Variants in LCOR observed in about 807,000 individuals in gnomAD.
LCOR encodes the protein ligand-dependent corepressor.
In LCOR, 14 loss-of-function variants were observed where a neutral mutation model predicts 64.4. That is an observed-to-expected ratio of 0.22 (90% confidence interval 0.14 to 0.34). LCOR has a LOEUF of 0.34. LCOR is among the 10% of genes least tolerant of loss of function. LCOR has a pLI of 1.00. For missense variants in LCOR, 1,686 were observed against 1,765.3 expected, an observed-to-expected ratio of 0.96 and a Z score of 0.80; for synonymous variants, 643 against 642.5, an observed-to-expected ratio of 1.00 and a Z score of -0.01.
At chr10:96,933,004 TAAA>T (rs947048578) in intron 4 of LCOR, among the ~76,000 whole-genome samples, 1 of 152,186 alleles carries the variant, frequency 6.6e-6, no homozygotes, top group Non-Finnish European at 1.5e-5. Flanking sequence ...AGTAACAAAA[TAAA>T]AAACTGGTCT....
chr10:96,863,778 T>C (rs116238194), intron 2 of LCOR, among the ~76,000 whole-genome samples: 7,806 of 152,290 alleles, frequency 0.051, 682 homozygotes, highest in African/African-American at 0.18. Flanking sequence ...ATACTTTTTC[T>C]CTAGTAAGTT....
At chr10:96,954,953 G>A (rs1354009946) in intron 7 of LCOR, 1 of 1,612,356 alleles carries the variant, frequency 6.2e-7, no homozygotes, top group East Asian at 2.2e-5. Flanking sequence ...ATCCAATTAG[G>A]CGACCTGGGA....
chr10:96,928,042 T>C (rs1847197991), intron 4 of LCOR, among the ~76,000 whole-genome samples: 1 of 152,210 alleles, frequency 6.6e-6, no homozygotes, highest in Admixed American at 6.5e-5. Context: ...ATCTTTTTGC[T>C]GGTGAAAGGT....
At position 96,949,090 on chromosome 10, in the gene LCOR, A is replaced by G. The variant is rs770837388; in HGVS notation, c.33A>G (p.Glu11=). 1 of 1,614,050 alleles carries G rather than the reference A, an allele frequency of 6.2e-7. No individual in the cohort carries two copies. Residue 11 remains glutamate, a synonymous_variant, in exon 6 of 8, where the codon GAA becomes GAG. Coordinates refer to ENST00000421806, the MANE Select transcript of LCOR (RefSeq NM_001346516.2). ...GAATGATCCAACAATTTGCTGCTGA[A>G]TATACCTCAAAAAATAGCTCTACTC... MQRMIQQFAA[E]YTSKNSSTQD...
At chr10:96,933,467 C>T (rs1314951987) in intron 4 of LCOR, among the ~76,000 whole-genome samples, 1 of 152,084 alleles carries the variant, frequency 6.6e-6, no homozygotes, top group Non-Finnish European at 1.5e-5. Flanking sequence ...ACACAAGTCC[C>T]TGGTTAAGTT....
chr10:96,920,662 G>T (rs1268079493), intron 4 of LCOR, among the ~76,000 whole-genome samples: 3 of 128,502 alleles, frequency 2.3e-5, no homozygotes, highest in African/African-American at 1.1e-4. Flanking sequence ...GTGTATATAT[G>T]TATATATGTA....
intron 4 of LCOR, among the ~76,000 whole-genome samples, chr10:96,920,433 T>TATATATATATTC (rs1564625968): frequency 3.3e-4 from 1 of 3,024 alleles, no homozygotes; most frequent in African/African-American, 5.6e-4. Context: ...CATATATATG[T>TATATATATATTC]GTATATATGT....
At chr10:96,931,650 A>G (rs1260837044) in intron 4 of LCOR, among the ~76,000 whole-genome samples, 1 of 152,198 alleles carries the variant, frequency 6.6e-6, no homozygotes, top group East Asian at 1.9e-4. Context: ...TAGTGAGTCT[A>G]CCAGAGAACA....
intron 4 of LCOR, among the ~76,000 whole-genome samples, chr10:96,914,495 C>A (rs545747111): frequency 4.7e-4 from 71 of 152,238 alleles, no homozygotes; most frequent in Non-Finnish European, 9.7e-4. Flanking sequence ...CCGCGCCTGG[C>A]CTTTATTGCT....
chr10:96,863,522 A>AT (rs1466538716), intron 2 of LCOR, among the ~76,000 whole-genome samples: 1 of 151,910 alleles, frequency 6.6e-6, no homozygotes, highest in Non-Finnish European at 1.5e-5. Flanking sequence ...GAATTTTCTG[A>AT]TTTTTTCACA....
At chr10:96,933,843 CAAAT>C (rs1330534701) in intron 4 of LCOR, among the ~76,000 whole-genome samples, 1 of 152,104 alleles carries the variant, frequency 6.6e-6, no homozygotes, top group Non-Finnish European at 1.5e-5. Flanking sequence ...GATTAAAACA[CAAAT>C]AAAAAGATAC....
intron 2 of LCOR, among the ~76,000 whole-genome samples, chr10:96,885,888 G>A (rs1388153360): frequency 1.3e-5 from 2 of 152,046 alleles, no homozygotes; most frequent in African/African-American, 4.8e-5. Context: ...TTCCCTTAAT[G>A]ATTTTAAAGA....
Position 96,983,723 on chromosome 10 carries a change from T to A in LCOR, c.3263T>A (p.Val1088Asp). ...GGAGACCCCCTAGATGAGGACGATG[T>A]TGACACCGTGGTAGATGAACAGCCA... ...ESGDPLDEDD[V>D]DTVVDEQPKF... The change falls in exon 8 of 8, where the codon GTT (valine) becomes GAT (aspartate). Residue 1088 changes from valine (V) to aspartate (D), a missense_variant. Coordinates refer to ENST00000421806, the MANE Select transcript of LCOR (RefSeq NM_001346516.2). This position sits in a 1 kb window ranked among gnomAD's most constrained non-coding sequence, Gnocchi z 4.5. The A allele has an allele frequency of 6.2e-7, 1 of 1,614,140 alleles. No individual in the cohort carries two copies. Among genetic ancestry groups the A allele is most frequent in the Non-Finnish European group, 8.5e-7 (1 of 1,180,022 alleles).
chr10:96,835,210 G>C (rs929222578), intron 2 of LCOR, among the ~76,000 whole-genome samples: 7 of 152,030 alleles, frequency 4.6e-5, no homozygotes, highest in African/African-American at 1.7e-4. Context: ...CCGTGTTTTT[G>C]GTTTTTAAAA....
At chr10:96,899,301 C>T (rs188404725) in intron 2 of LCOR, among the ~76,000 whole-genome samples, 2 of 152,090 alleles carry the variant, frequency 1.3e-5, no homozygotes, top group East Asian at 3.9e-4. Flanking sequence ...AATTTTGATT[C>T]CTTGACTAGA....
intron 7 of LCOR, 93 bp downstream of exon 7, chr10:96,952,289 C>A: frequency 2.5e-6 from 2 of 804,856 alleles, no homozygotes; most frequent in Non-Finnish European, 2.0e-6. Flanking sequence ...AAAAAATAAC[C>A]CTTCTAAGTA....
chr10:96,851,893 G>A lies in LCOR; in HGVS notation c.-330+18414G>A, dbSNP rs149433766. Among the ~76,000 whole-genome samples, 37 of 152,184 alleles carry A rather than the reference G, an allele frequency of 2.4e-4. No homozygotes were observed. The East Asian group carries it at 4.6e-3, about 19-fold the overall frequency. On this transcript the variant is annotated intron_variant, in intron 2 of 7. Coordinates refer to ENST00000421806, the MANE Select transcript of LCOR (RefSeq NM_001346516.2). ...TACCCCAAACACATTATTTTCTCACGTATTAATGGTATGTCATATTTTTTA... is the reference window on the plus strand; with the variant it reads ...TACCCCAAACACATTATTTTCTCACATATTAATGGTATGTCATATTTTTTA...
intron 2 of LCOR, among the ~76,000 whole-genome samples, chr10:96,881,060 A>G (rs914879998): frequency 3.3e-5 from 5 of 152,206 alleles, no homozygotes; most frequent in African/African-American, 1.2e-4. Context: ...GTAAGTCTCA[A>G]GATCTAAGGG....
intron 7 of LCOR, among the ~76,000 whole-genome samples, chr10:96,968,223 A>G (rs1210319085): frequency 1.3e-5 from 2 of 152,134 alleles, no homozygotes; most frequent in African/African-American, 4.8e-5. Flanking sequence ...TTTAGGTGAA[A>G]AACATGGAAC....
Sources: gnomAD v4.1 joint callset for allele counts (sites outside exome capture counted in the v4.1 genomes callset) on GRCh38, gnomAD v4.1.1 for gene constraint, Gnocchi (gnomAD v3.1) non-coding constraint, MANE v1.5 for transcripts, NCBI Gene and HGNC (gene_info 2026-07-23, HGNC 2026-07-21) for gene names.